The following C6orf132 variants were observed in gnomAD, a reference collection of about 807,000 sequenced individuals.
C6orf132 encodes the protein chromosome 6 open reading frame 132.
A neutral mutation model predicts 65.3 loss-of-function variants in C6orf132; 43 were observed. The ratio of observed to expected loss-of-function variants is 0.66; its 90% CI spans 0.52 to 0.85. The LOEUF (loss-of-function observed/expected upper bound fraction) is 0.85, where lower values mean the gene tolerates loss of function less well. C6orf132 is among the 40% of genes least tolerant of loss of function. The probability of loss-of-function intolerance (pLI) is 0.00; values close to 1 mark genes in which losing one functional copy is unlikely to be tolerated. For synonymous variants in C6orf132, 631 were observed against 654.1 expected (o/e 0.96, Z 0.54); for missense variants, 1,488 against 1,548.8 (o/e 0.96, Z 0.66).
chr6:42,108,124 C>T (rs2127474009), intron 3 of C6orf132, among the ~76,000 whole-genome samples: 1 of 152,322 alleles, frequency 6.6e-6, no homozygotes, highest in South Asian at 2.1e-4. Flanking sequence ...CAGTTATCCC[C>T]TTTGAGTGCG....
chr6:42,135,765 C>T (rs1766931891), intron 1 of C6orf132, among the ~76,000 whole-genome samples: 1 of 152,232 alleles, frequency 6.6e-6, no homozygotes, highest in Non-Finnish European at 1.5e-5. Context: ...TCTAAGCCCT[C>T]ACCACCCCAT....
chr6:42,138,038 A>G (rs1766975108), intron 1 of C6orf132, among the ~76,000 whole-genome samples: 1 of 152,198 alleles, frequency 6.6e-6, no homozygotes, highest in Admixed American at 6.5e-5. Flanking sequence ...CAGCCTGGCA[A>G]CGGATCGAGA....
chr6:42,103,498 G>A lies in C6orf132; in HGVS notation c.*263C>T, dbSNP rs1766330536. ...AAACTCAGCGCCCAGGTCCTTAATG[G>A]TTCCTTCTCTCTACCCTCCTTCCCC... On this transcript the variant is annotated 3_prime_UTR_variant, in exon 5 of 5. Coordinates refer to ENST00000341865, the MANE Select transcript of C6orf132 (RefSeq NM_001164446.3). 1 of 390,090 alleles carries A rather than the reference G, an allele frequency of 2.6e-6. No homozygotes were observed. Among genetic ancestry groups the A allele is most frequent in the Admixed American group, 4.5e-5 (1 of 22,464 alleles). The allele number at this position is 390,090 out of a possible 1,614,324, so 24.2% of individuals were successfully genotyped here.
At chr6:42,114,470 T>G (rs1477935482) in intron 2 of C6orf132, among the ~76,000 whole-genome samples, 2 of 152,214 alleles carry the variant, frequency 1.3e-5, no homozygotes, top group African/African-American at 4.8e-5. Context: ...TAGCTGTCCC[T>G]TTCACTGATG....
At chr6:42,107,885 C>T (rs550820125) in intron 3 of C6orf132, among the ~76,000 whole-genome samples, 1 of 152,236 alleles carries the variant, frequency 6.6e-6, no homozygotes, top group African/African-American at 2.4e-5. Context: ...CTCCCTTGCC[C>T]CCTGAGATGG....
At chr6:42,129,554 TGA>T (rs1766821592) in intron 1 of C6orf132, among the ~76,000 whole-genome samples, 2 of 152,160 alleles carry the variant, frequency 1.3e-5, no homozygotes, top group Non-Finnish European at 2.9e-5. Context: ...TGTAGGAAGA[TGA>T]TATGAAGGAC....
At chr6:42,112,741 T>C (rs1361132545) in intron 2 of C6orf132, among the ~76,000 whole-genome samples, 1 of 152,230 alleles carries the variant, frequency 6.6e-6, no homozygotes, top group Non-Finnish European at 1.5e-5. Flanking sequence ...CCATGTCTTA[T>C]GGTATCCCCC....
At chr6:42,130,022 A>G (rs1223948698) in intron 1 of C6orf132, among the ~76,000 whole-genome samples, 2 of 152,190 alleles carry the variant, frequency 1.3e-5, no homozygotes, top group Non-Finnish European at 2.9e-5. Flanking sequence ...GCAGCACCCC[A>G]TGCGAGCATC....
rs1253558945 is a variant in C6orf132 at position 42,142,472 on chromosome 6, G to A, written c.-28C>T. On this transcript the variant is annotated 5_prime_UTR_variant, in exon 1 of 5. Transcript: ENST00000341865. Reference sequence around the variant, plus strand: ...TGCCGCAGCCCGCGCGGGCGCCAGGGAAGGACCTTCCCTCCCTCGCCCTGC... The same window carrying A: ...TGCCGCAGCCCGCGCGGGCGCCAGGAAAGGACCTTCCCTCCCTCGCCCTGC... 1.3e-6 allele frequency: 2 copies of A among 1,546,312 alleles called. No individual in the cohort carries two copies. The highest frequency in any genetic ancestry group is 1.7e-6 in the Non-Finnish European group (2 of 1,144,520).
chr6:42,120,396 A>G (rs1766662950), intron 2 of C6orf132, among the ~76,000 whole-genome samples: 2 of 151,358 alleles, frequency 1.3e-5, no homozygotes, highest in Non-Finnish European at 2.9e-5. Flanking sequence ...ACAGGCACCC[A>G]CCACCACGTC....
At chr6:42,135,432 G>A (rs1361293214) in intron 1 of C6orf132, among the ~76,000 whole-genome samples, 2 of 152,194 alleles carry the variant, frequency 1.3e-5, no homozygotes, top group African/African-American at 4.8e-5. Flanking sequence ...GGCCAGCTCC[G>A]GGCGAGCTGA....
intron 2 of C6orf132, among the ~76,000 whole-genome samples, chr6:42,112,536 A>G (rs753797540): frequency 6.6e-6 from 1 of 152,238 alleles, no homozygotes; most frequent in African/African-American, 2.4e-5. Context: ...TACCCATAGT[A>G]GGGAAGCTGT....
chr6:42,105,357 C>G lies in C6orf132; in HGVS notation c.2555G>C (p.Gly852Ala), dbSNP rs1437096676. The change falls in exon 4 of 5, where the codon GGA (glycine) becomes GCA (alanine). Residue 852 changes from glycine (G) to alanine (A), a missense_variant. Physicochemically the swap from Gly to Ala is moderately conservative, Grantham distance 60 (BLOSUM62 0). Coordinates refer to ENST00000341865, the MANE Select transcript of C6orf132 (RefSeq NM_001164446.3). Reference protein sequence around the residue: ...LLAARQRAQKGRSVGAALGRS... With the variant: ...LLAARQRAQKARSVGAALGRS... The stretch of plus-strand genomic sequence containing the variant: ...ACCCAGGGCAGCCCCTACAGACCTT[C>G]CCTTCTGAGCCCTCTGCCTGGCCGC... 3 of 1,536,416 alleles carry G rather than the reference C, an allele frequency of 2.0e-6. No homozygotes were observed. The highest frequency in any genetic ancestry group is 4.9e-5 in the East Asian group (2 of 40,920).
chr6:42,132,381 G>A (rs1238689112), intron 1 of C6orf132, among the ~76,000 whole-genome samples: 1 of 151,816 alleles, frequency 6.6e-6, no homozygotes, highest in Non-Finnish European at 1.5e-5. Context: ...TGGGTGTGGT[G>A]GCATGCACCT....
chr6:42,106,567 T>C lies in C6orf132; in HGVS notation c.1345A>G (p.Ser449Gly). 6.7e-7 allele frequency: 1 copy of C among 1,503,338 alleles called. No homozygotes were observed. The highest frequency in any genetic ancestry group is 1.2e-5 in the South Asian group (1 of 83,140). 93.1% of individuals were successfully genotyped at this position (1,503,338 alleles called of 1,614,324 possible). Residue 449 changes from serine to glycine, a missense_variant, in exon 4 of 5, where the codon AGC becomes GGC. Physicochemically the swap from Ser to Gly is moderately conservative, Grantham distance 56. Transcript: ENST00000341865. Reference sequence around the variant, plus strand: ...GCTGAAGACGCTGTGTTCTCTGGGCTGGGGGGGTTGGGTTTGGGTTTGAGA... The same window carrying C: ...GCTGAAGACGCTGTGTTCTCTGGGCCGGGGGGGTTGGGTTTGGGTTTGAGA... ...PALKPKPNPPSPENTASSAPV... is the reference protein window; with the variant it reads ...PALKPKPNPPGPENTASSAPV...
intron 1 of C6orf132, among the ~76,000 whole-genome samples, chr6:42,131,568 C>T (rs968666133): frequency 6.6e-6 from 1 of 152,180 alleles, no homozygotes; most frequent in Non-Finnish European, 1.5e-5. Context: ...AGCCATAATC[C>T]CACCATGTAC....
In C6orf132 at chr6:42,105,854, T is replaced by A; in HGVS notation, c.2058A>T (p.Thr686=). The change falls in exon 4 of 5, where the codon ACA becomes ACT. Residue 686 remains threonine, a synonymous_variant. Coordinates refer to ENST00000341865, the MANE Select transcript of C6orf132 (RefSeq NM_001164446.3). ...CTGTAGATGCTATGGCAGGGCCAGA[T>A]GTGGCCTTGAGTGGTGTGGTTGGCC... ...TSGPTTPLKA[T]SGPAIASTAT... 1 of 1,537,220 alleles carries A rather than the reference T, an allele frequency of 6.5e-7. No individual in the cohort carries two copies. The highest frequency in any genetic ancestry group is 8.7e-7 in the Non-Finnish European group (1 of 1,146,870).
Position 42,142,399 on chromosome 6 carries a change from C to T in C6orf132, c.46G>A (p.Gly16Arg). The T allele has an allele frequency of 7.1e-6, 11 of 1,551,482 alleles. No homozygotes were observed. The highest frequency in any genetic ancestry group is 1.7e-4 in the Middle Eastern group (1 of 5,960). Residue 16 changes from glycine to arginine, a missense_variant, in exon 1 of 5, where the codon GGG becomes AGG. Transcript: ENST00000341865. ...TVQGTFSKLF[G>R]KKHTTTPSTS... is the part of the protein sequence containing the mutation. ...CTGGGGGTCGTGGTGTGCTTCTTCC[C>T]GAAGAGTTTGCTGAAGGTGCCCTGC...
chr6:42,142,206 C>G, intron 1 of C6orf132, 94 bp downstream of exon 1: 32 of 1,370,180 alleles, frequency 2.3e-5, no homozygotes, highest in Non-Finnish European at 2.9e-5. Context: ...TCCAACGTGT[C>G]CCTCCCCTCC....
Sources: gnomAD v4.1 joint callset for allele counts (sites outside exome capture counted in the v4.1 genomes callset) on GRCh38, gnomAD v4.1.1 for gene constraint, MANE v1.5 for transcripts, NCBI Gene and HGNC (gene_info 2026-07-23, HGNC 2026-07-21) for gene names.